Variants in PEA15 observed in about 807,000 individuals in gnomAD.
PEA15 encodes proliferation and apoptosis adaptor protein 15.
For missense variants in PEA15, 77 were observed against 161.3 expected (o/e 0.48, Z 2.83); for synonymous variants, 60 against 61.8 (o/e 0.97, Z 0.13).
In PEA15 at chr1:160,213,783, C is replaced by A; in HGVS notation, c.*297C>A. 7 of 374,182 alleles carry A rather than the reference C, an allele frequency of 1.9e-5. No individual in the cohort carries two copies. In the South Asian group the frequency reaches 2.1e-4, roughly 11 times the overall value. 23.2% of individuals were successfully genotyped at this position (374,182 alleles called of 1,614,324 possible). A position where few individuals can be genotyped will look rare whatever the true frequency, so the allele number is the denominator to read the frequency against. ...CTATGCAAATAGAAATCAGCACATT[C>A]CTCCTACTTCCCTTTCCTCCACTCC... On this transcript the variant is annotated 3_prime_UTR_variant, in exon 4 of 4. Coordinates refer to ENST00000360472, the MANE Select transcript of PEA15 (RefSeq NM_003768.5). The surrounding 1 kb of genome is among the most constrained non-coding windows in gnomAD (Gnocchi z 5.3).
chr1:160,211,698 CACA>C lies in PEA15; in HGVS notation c.159_161del (p.Asn53del). The C allele has an allele frequency of 6.2e-7, 1 of 1,613,408 alleles. No homozygotes were observed. Among genetic ancestry groups the C allele is most frequent in the Non-Finnish European group, 8.5e-7 (1 of 1,179,622 alleles). ...TGCCTGGTTTAGCTTCCTGGAGAGC[CACA>C]ACAAGCTGGACAAAGGTGGGGGAGG... On this transcript the variant is annotated inframe_deletion, in exon 2 of 4. Coordinates refer to ENST00000360472, the MANE Select transcript of PEA15 (RefSeq NM_003768.5).
rs1654718529 is a variant in PEA15 at position 160,208,790 on chromosome 1, T to G, written c.-2-2753T>G. On this transcript the variant is annotated intron_variant, in intron 1 of 3. Coordinates refer to ENST00000360472, the MANE Select transcript of PEA15 (RefSeq NM_003768.5). This position sits in a 1 kb window ranked among gnomAD's most constrained non-coding sequence, Gnocchi z 4.1. The stretch of plus-strand genomic sequence containing the variant: ...AGAAGGGAGGCAACTGGGCTGCCTT[T>G]CCTTGTACCGTCAGGGGGCCTTATT... 1 of 778,328 alleles carries G rather than the reference T, an allele frequency of 1.3e-6. No individual in the cohort carries two copies. 48.2% of individuals were successfully genotyped at this position (778,328 alleles called of 1,614,324 possible).
chr1:160,212,217 A>C (rs1009006172), intron 2 of PEA15, among the ~76,000 whole-genome samples: 2 of 128,048 alleles, frequency 1.6e-5, no homozygotes, highest in African/African-American at 2.5e-5. Flanking sequence ...GGCTTTAGGG[A>C]AGAATTGGTG....
chr1:160,211,801 C>T (rs555681163), intron 2 of PEA15, 85 bp downstream of exon 2: 1 of 1,319,288 alleles, frequency 7.6e-7, no homozygotes, highest in South Asian at 1.3e-5. Flanking sequence ...AAAGCTTTTA[C>T]ATCCACAATG....
intron 2 of PEA15, 120 bp from the exon 3 acceptor site, chr1:160,212,990 T>C (rs1654938799): frequency 1.1e-6 from 1 of 943,270 alleles, no homozygotes. Flanking sequence ...TCCTCCAGTG[T>C]TGTACCCTCC....
rs1654983615 is a variant in PEA15, at chr1:160,213,872, TA to T, written c.*387del. The T allele has an allele frequency of 8.3e-6, 2 of 241,418 alleles. No homozygotes were observed. Among genetic ancestry groups the T allele is most frequent in the Non-Finnish European group, 1.6e-5 (2 of 122,128 alleles). 15.0% of individuals were successfully genotyped at this position (241,418 alleles called of 1,614,324 possible). A position where few individuals can be genotyped will look rare whatever the true frequency, so the allele number is the denominator to read the frequency against. On this transcript the variant is annotated 3_prime_UTR_variant, in exon 4 of 4. Transcript: ENST00000360472. The surrounding 1 kb of genome is among the most constrained non-coding windows in gnomAD (Gnocchi z 5.3). ...ATTTTCCTACATTGAGGAGCTGACA[TA>T]GGGGTAAGGTATGGGAGAGGTAGGT...
At position 160,208,544 on chromosome 1, in the gene PEA15, C is replaced by A. The variant is rs1452496776; in HGVS notation, c.-2-2999C>A. On this transcript the variant is annotated intron_variant, in intron 1 of 3. Transcript: ENST00000360472. This position sits in a 1 kb window ranked among gnomAD's most constrained non-coding sequence, Gnocchi z 4.1. ...AGAAATCAGGAGGATTTTTCAGAGC[C>A]CAGAGAGCAGATTTCTCCACGAGCC... 7.0e-6 allele frequency: 10 copies of A among 1,433,420 alleles called. No homozygotes were observed. In the South Asian group the frequency reaches 1.2e-4, roughly 18 times the overall value. The allele number at this position is 1,433,420 out of a possible 1,614,324, so 88.8% of individuals were successfully genotyped here. A position where few individuals can be genotyped will look rare whatever the true frequency, so the allele number is the denominator to read the frequency against.
Position 160,213,538 on chromosome 1 carries a change from C to A in PEA15, c.*52C>A. ...TGGACCTTCATCAGACCACTCCCTT[C>A]CCCCATCCTCCAGGAGAGGGGGCAA... On this transcript the variant is annotated 3_prime_UTR_variant, in exon 4 of 4. Transcript: ENST00000360472. The surrounding 1 kb of genome is among the most constrained non-coding windows in gnomAD (Gnocchi z 5.3). 1 of 1,526,870 alleles carries A rather than the reference C, an allele frequency of 6.5e-7. No homozygotes were observed. The highest frequency in any genetic ancestry group is 9.1e-7 in the Non-Finnish European group (1 of 1,102,054). The allele number at this position is 1,526,870 out of a possible 1,614,324, so 94.6% of individuals were successfully genotyped here. A position where few individuals can be genotyped will look rare whatever the true frequency, so the allele number is the denominator to read the frequency against.
Position 160,208,310 on chromosome 1 carries a change from T to C in PEA15, c.-3+2788T>C. Reference sequence around the variant, plus strand: ...GTTGGTTTGACCTTTGTCAGGGCTGTGCCTGGGGCCAGCTTGGAAGGAGAG... The same window carrying C: ...GTTGGTTTGACCTTTGTCAGGGCTGCGCCTGGGGCCAGCTTGGAAGGAGAG... On this transcript the variant is annotated intron_variant, in intron 1 of 3. Coordinates refer to ENST00000360472, the MANE Select transcript of PEA15 (RefSeq NM_003768.5). This position sits in a 1 kb window ranked among gnomAD's most constrained non-coding sequence, Gnocchi z 4.1. 1 of 436,340 alleles carries C rather than the reference T, an allele frequency of 2.3e-6. No homozygotes were observed. Among genetic ancestry groups the C allele is most frequent in the East Asian group, 4.2e-5 (1 of 23,574 alleles). The allele number at this position is 436,340 out of a possible 1,614,324, so 27.0% of individuals were successfully genotyped here. A position where few individuals can be genotyped will look rare whatever the true frequency, so the allele number is the denominator to read the frequency against.
Position 160,208,466 on chromosome 1 carries a change from T to G in PEA15, c.-3+2944T>G. 1.4e-6 allele frequency: 1 copy of G among 736,886 alleles called. No individual in the cohort carries two copies. Among genetic ancestry groups the G allele is most frequent in the East Asian group, 2.7e-5 (1 of 36,784 alleles). 45.6% of individuals were successfully genotyped at this position (736,886 alleles called of 1,614,324 possible). On this transcript the variant is annotated intron_variant, in intron 1 of 3. Transcript: ENST00000360472. This position sits in a 1 kb window ranked among gnomAD's most constrained non-coding sequence, Gnocchi z 4.1. The stretch of plus-strand genomic sequence containing the variant: ...CTGCCCTGGTATCCTGTCCCAAGAA[T>G]GGCCTCCGCCCAGACTGCCTGGTGA...
chr1:160,207,481 C>T (rs1044901988), intron 1 of PEA15, among the ~76,000 whole-genome samples: 6 of 152,170 alleles, frequency 3.9e-5, no homozygotes, highest in African/African-American at 1.4e-4. Context: ...TGCCAGCTAT[C>T]TCCTGATGCC....
Position 160,213,246 on chromosome 1 carries a change from C to G in PEA15, c.309C>G (p.Pro103=). 2 of 1,614,226 alleles carry G rather than the reference C, an allele frequency of 1.2e-6. No individual in the cohort carries two copies. Among genetic ancestry groups the G allele is most frequent in the East Asian group, 4.5e-5 (2 of 44,890 alleles). ...TGGACACCAAGCTAACCCGTATCCC[C>G]AGTGCCAAGAAGTACAAAGGTAAGC... ...DELDTKLTRI[P]SAKKYKDIIR... is the part of the protein sequence containing the mutation. Residue 103 remains proline (P), a synonymous_variant, in exon 3 of 4, where the codon CCC becomes CCG. Transcript: ENST00000360472. The surrounding 1 kb of genome is among the most constrained non-coding windows in gnomAD (Gnocchi z 5.3).
chr1:160,211,464 A>G lies in PEA15; in HGVS notation c.-2-79A>G, dbSNP rs1654873393. ...TGCCTGGTAGGGCAGAGTGGGGAGT[A>G]GGAGGGTAGTGCCAGTGAGTAAACC... On this transcript the variant is annotated intron_variant, in intron 1 of 3. Coordinates refer to ENST00000360472, the MANE Select transcript of PEA15 (RefSeq NM_003768.5). 13 of 1,452,078 alleles carry G rather than the reference A, an allele frequency of 9.0e-6. No homozygotes were observed. In the South Asian group the frequency reaches 1.9e-4, roughly 21 times the overall value. The allele number at this position is 1,452,078 out of a possible 1,614,324, so 89.9% of individuals were successfully genotyped here. A position where few individuals can be genotyped will look rare whatever the true frequency, so the allele number is the denominator to read the frequency against.
At chr1:160,209,591 C>G (rs1654779256) in intron 1 of PEA15, among the ~76,000 whole-genome samples, 1 of 152,198 alleles carries the variant, frequency 6.6e-6, no homozygotes, top group Non-Finnish European at 1.5e-5. Flanking sequence ...TTTACAAACT[C>G]TCCTTCCATA....
At chr1:160,210,142 GACC>G (rs1244310647) in intron 1 of PEA15, among the ~76,000 whole-genome samples, 1 of 152,146 alleles carries the variant, frequency 6.6e-6, no homozygotes, top group Non-Finnish European at 1.5e-5. Context: ...CTTATTTTGT[GACC>G]ACCATGCCAA....
Position 160,213,647 on chromosome 1 carries a change from CTGTT to C in PEA15, c.*165_*168del. The C allele has an allele frequency of 2.7e-6, 1 of 372,356 alleles. No individual in the cohort carries two copies. The highest frequency in any genetic ancestry group is 5.2e-6 in the Non-Finnish European group (1 of 193,162). 23.1% of individuals were successfully genotyped at this position (372,356 alleles called of 1,614,324 possible). The stretch of plus-strand genomic sequence containing the variant: ...GTGTGTGCGTGTGCGCACGCTCTGG[CTGTT>C]TGTCTATATGTCTAGCTCATCTAGT... On this transcript the variant is annotated 3_prime_UTR_variant, in exon 4 of 4. Transcript: ENST00000360472. The surrounding 1 kb of genome is among the most constrained non-coding windows in gnomAD (Gnocchi z 5.3).
chr1:160,211,774 C>G, intron 2 of PEA15, 58 bp downstream of exon 2: 1 of 1,527,184 alleles, frequency 6.5e-7, no homozygotes, highest in East Asian at 2.3e-5. Flanking sequence ...GTTCATTCAG[C>G]AAATAGAGAT....
chr1:160,213,750 G>A lies in PEA15; in HGVS notation c.*264G>A, dbSNP rs1255697481. ...TTTCCCCACTTTAGGAGGAGGTGGG[G>A]GCTATTTCTATGCAAATAGAAATCA... On this transcript the variant is annotated 3_prime_UTR_variant, in exon 4 of 4. Transcript: ENST00000360472. This position sits in a 1 kb window ranked among gnomAD's most constrained non-coding sequence, Gnocchi z 5.3. The A allele has an allele frequency of 2.2e-6, 1 of 463,536 alleles. No individual in the cohort carries two copies. The allele number at this position is 463,536 out of a possible 1,614,324, so 28.7% of individuals were successfully genotyped here.
chr1:160,206,887 T>C (rs749903405), intron 1 of PEA15, among the ~76,000 whole-genome samples: 17 of 152,186 alleles, frequency 1.1e-4, no homozygotes, highest in Non-Finnish European at 2.1e-4. Flanking sequence ...AAATACTCCA[T>C]TGGGGAAATT....
Sources: allele counts gnomAD v4.1 joint callset (sites outside exome capture counted in the v4.1 genomes callset), GRCh38; gene constraint gnomAD v4.1.1; non-coding constraint Gnocchi (gnomAD v3.1); transcripts MANE v1.5; gene names NCBI Gene and HGNC (gene_info 2026-07-23, HGNC 2026-07-21).